The following CACNA2D2 variants were observed in gnomAD, a reference collection of about 807,000 sequenced individuals.
CACNA2D2 encodes calcium voltage-gated channel auxiliary subunit alpha2delta 2, also known as voltage-dependent calcium channel subunit alpha-2/delta-2.
In CACNA2D2, 48 loss-of-function variants were observed where a neutral mutation model predicts 166.4. That is an observed-to-expected ratio of 0.29 (90% CI 0.23 to 0.37). CACNA2D2 has a LOEUF of 0.37. Among genes scored for constraint, CACNA2D2 ranks in the 10% least tolerant of loss-of-function variants. The pLI, the probability that CACNA2D2 is intolerant of heterozygous loss-of-function variation, is 1.00. For missense variants in CACNA2D2, 1,122 were observed against 1,433.0 expected (o/e 0.78, Z 3.50); for synonymous variants, 561 against 573.7 (o/e 0.98, Z 0.32).
chr3:50,392,225 G>A (rs1705923815), intron 4 of CACNA2D2, among the ~76,000 whole-genome samples: 1 of 152,190 alleles, frequency 6.6e-6, no homozygotes, highest in South Asian at 2.1e-4. Flanking sequence ...CCCTGGCATG[G>A]ACAGTCCCTC....
chr3:50,412,286 G>A (rs1030993741), intron 3 of CACNA2D2, among the ~76,000 whole-genome samples: 1 of 152,262 alleles, frequency 6.6e-6, no homozygotes, highest in African/African-American at 2.4e-5. Flanking sequence ...TGTGAGGCTA[G>A]GCTGGCTGTG....
intron 1 of CACNA2D2, among the ~76,000 whole-genome samples, chr3:50,490,382 C>G (rs1575774755): frequency 6.6e-6 from 1 of 152,278 alleles, no homozygotes; most frequent in Non-Finnish European, 1.5e-5. Flanking sequence ...AGTTCTGTAC[C>G]TTGGCTCAAC....
chr3:50,383,949 C>T (rs587674690), intron 6 of CACNA2D2, among the ~76,000 whole-genome samples: 2 of 152,338 alleles, frequency 1.3e-5, no homozygotes, highest in South Asian at 2.1e-4. Flanking sequence ...GGCAGGAGAC[C>T]ATGCATGCAC....
chr3:50,366,263 T>C lies in CACNA2D2; in HGVS notation c.2709+4A>G. 1.9e-6 allele frequency: 3 copies of C among 1,614,098 alleles called. No homozygotes were observed. Among genetic ancestry groups the C allele is most frequent in the Non-Finnish European group, 2.5e-6 (3 of 1,179,998 alleles). Reference sequence around the variant, plus strand: ...TCTTCTTTCACTCTCTTCCTGATCCTCACCTGGTCCCACTGATGGTTCTGG... The same window carrying C: ...TCTTCTTTCACTCTCTTCCTGATCCCCACCTGGTCCCACTGATGGTTCTGG... On this transcript the variant is annotated splice_donor_region_variant and intron_variant, in intron 31 of 37. Transcript: ENST00000424201. This position sits in a 1 kb window ranked among gnomAD's most constrained non-coding sequence, Gnocchi z 5.9.
chr3:50,491,578 A>G (rs1388041322), intron 1 of CACNA2D2, among the ~76,000 whole-genome samples: 1 of 152,164 alleles, frequency 6.6e-6, no homozygotes, highest in Non-Finnish European at 1.5e-5. Context: ...AGAGTGAAGG[A>G]TGGAGAGGTG....
At position 50,379,833 on chromosome 3, in the gene CACNA2D2, G is replaced by A; in HGVS notation, c.894-9C>T. Reference sequence around the variant, plus strand: ...CGCTCACACTGCCACTCCTGGAGAGGTCAGGCAGGGGACGTGGAGGAGCCA... The same window carrying A: ...CGCTCACACTGCCACTCCTGGAGAGATCAGGCAGGGGACGTGGAGGAGCCA... On this transcript the variant is annotated splice_polypyrimidine_tract_variant and intron_variant, in intron 9 of 37. Coordinates refer to ENST00000424201, the MANE Select transcript of CACNA2D2 (RefSeq NM_006030.4). The surrounding 1 kb of genome is among the most constrained non-coding windows in gnomAD (Gnocchi z 6.5). The A allele has an allele frequency of 6.2e-7, 1 of 1,613,754 alleles. No homozygotes were observed.
chr3:50,404,698 C>T (rs1445057606), intron 3 of CACNA2D2, among the ~76,000 whole-genome samples: 1 of 152,224 alleles, frequency 6.6e-6, no homozygotes, highest in Admixed American at 6.5e-5. Flanking sequence ...TGAGCACCTA[C>T]TGTGTGCAGT....
intron 4 of CACNA2D2, among the ~76,000 whole-genome samples, chr3:50,393,398 C>G (rs1705981380): frequency 6.6e-6 from 1 of 152,236 alleles, no homozygotes. Context: ...TCCTTGAATC[C>G]AGGAGGAGCC....
In CACNA2D2 at chr3:50,462,694, A is replaced by G. The variant is rs962358154; in HGVS notation, c.288+13424T>C. ...AACTGAACAATCAAGAAGTAGCGAC[A>G]TAAGTATGTCATTTAGAGATATGGA... is the stretch of plus-strand genomic sequence containing the variant. On this transcript the variant is annotated intron_variant, in intron 2 of 37. Coordinates refer to ENST00000424201, the MANE Select transcript of CACNA2D2 (RefSeq NM_006030.4). 3.9e-5 allele frequency among the ~76,000 whole-genome samples: 6 copies of G among 152,028 alleles called. No homozygotes were observed. The South Asian group carries it at 8.3e-4, about 21-fold the overall frequency.
intron 4 of CACNA2D2, among the ~76,000 whole-genome samples, chr3:50,393,724 T>A (rs1706001576): frequency 1.3e-5 from 2 of 152,222 alleles, no homozygotes; most frequent in South Asian, 4.1e-4. Context: ...GAAGGGCATT[T>A]GGTCCCCATT....
rs189872875 is a variant in CACNA2D2, at chr3:50,372,406, C to T, written c.1985-2026G>A. Among the ~76,000 whole-genome samples the T allele has an allele frequency of 2.9e-3, 443 of 152,334 alleles. 4 individuals carry two copies. Among genetic ancestry groups the T allele is most frequent in the African/African-American group, 9.8e-3 (407 of 41,570 alleles). The stretch of plus-strand genomic sequence containing the variant: ...AGCAAAGCCTCTGGAAGCAGCGGGC[C>T]GGCAGGACACGGGGACATCAGCACC... On this transcript the variant is annotated intron_variant, in intron 22 of 37. Coordinates refer to ENST00000424201, the MANE Select transcript of CACNA2D2 (RefSeq NM_006030.4).
chr3:50,384,346 A>G lies in CACNA2D2; in HGVS notation c.511-9T>C. 1 of 1,613,400 alleles carries G rather than the reference A, an allele frequency of 6.2e-7. No individual in the cohort carries two copies. The highest frequency in any genetic ancestry group is 1.3e-5 in the African/African-American group (1 of 75,040). On this transcript the variant is annotated splice_polypyrimidine_tract_variant and intron_variant, in intron 5 of 37. Transcript: ENST00000424201. Reference sequence around the variant, plus strand: ...TCACTCTCAGGGTCGTCCTGCAGAAAGGGCACCCCCGAGCAATGTCAGGGC... The same window carrying G: ...TCACTCTCAGGGTCGTCCTGCAGAAGGGGCACCCCCGAGCAATGTCAGGGC...
chr3:50,476,235 C>T, intron 1 of CACNA2D2, 36 bp from the exon 2 acceptor site: 1 of 1,531,326 alleles, frequency 6.5e-7, no homozygotes, highest in South Asian at 1.2e-5. Flanking sequence ...GTCAGGAGGG[C>T]CTGCCCAGAG....
chr3:50,431,411 C>A (rs905284806), intron 3 of CACNA2D2, among the ~76,000 whole-genome samples: 1 of 151,952 alleles, frequency 6.6e-6, no homozygotes, highest in Non-Finnish European at 1.5e-5. Flanking sequence ...TGCCCAGGAG[C>A]GCTGGGAGGC....
chr3:50,371,049 T>C (rs1704633087), intron 22 of CACNA2D2, among the ~76,000 whole-genome samples: 1 of 152,058 alleles, frequency 6.6e-6, no homozygotes, highest in African/African-American at 2.4e-5. Context: ...TGGTCCTCCC[T>C]GGGCTAGGAG....
intron 2 of CACNA2D2, among the ~76,000 whole-genome samples, chr3:50,472,340 T>A (rs1710133623): frequency 6.6e-6 from 1 of 151,906 alleles, no homozygotes; most frequent in African/African-American, 2.4e-5. Context: ...AAGCTATGAG[T>A]GGTTGATGAG....
intron 2 of CACNA2D2, among the ~76,000 whole-genome samples, chr3:50,474,965 C>T (rs146839522): frequency 2.0e-5 from 3 of 152,278 alleles, no homozygotes; most frequent in Non-Finnish European, 2.9e-5. Flanking sequence ...TGTTTAGTGT[C>T]GCTGGGCCAC....
At chr3:50,373,615 G>C (rs1297657477) in intron 22 of CACNA2D2, among the ~76,000 whole-genome samples, 1 of 94,786 alleles carries the variant, frequency 1.1e-5, no homozygotes, top group Non-Finnish European at 2.1e-5. Flanking sequence ...GAGTGGGACT[G>C]AAGGGGGGGG....
chr3:50,412,993 C>A (rs898006376), intron 3 of CACNA2D2, among the ~76,000 whole-genome samples: 1 of 152,222 alleles, frequency 6.6e-6, no homozygotes, highest in African/African-American at 2.4e-5. Flanking sequence ...GAGTCTCCAT[C>A]TTCCCTCACC....
Sources: gnomAD v4.1 joint callset for allele counts (sites outside exome capture counted in the v4.1 genomes callset) on GRCh38, gnomAD v4.1.1 for gene constraint, Gnocchi (gnomAD v3.1) non-coding constraint, MANE v1.5 for transcripts, NCBI Gene and HGNC (gene_info 2026-07-23, HGNC 2026-07-21) for gene names.